PPP2R2A: variants seen among roughly 807,000 people sequenced by gnomAD.
PPP2R2A encodes the protein serine/threonine-protein phosphatase 2A 55 kDa regulatory subunit B alpha isoform.
A neutral mutation model predicts 53.2 loss-of-function variants in PPP2R2A; 9 were observed. That is an observed-to-expected ratio of 0.17 (90% CI 0.10 to 0.30). The LOEUF is 0.30. PPP2R2A is among the 10% of genes least tolerant of loss of function. The pLI is 1.00. For synonymous variants in PPP2R2A, 169 were observed against 174.2 expected (o/e 0.97, Z 0.23); for missense variants, 235 against 534.6 (o/e 0.44, Z 5.53).
chr8:26,300,792 A>C (rs999565320), intron 2 of PPP2R2A, among the ~76,000 whole-genome samples: 2 of 152,192 alleles, frequency 1.3e-5, no homozygotes, highest in Non-Finnish European at 2.9e-5. Context: ...TGGAGGTTGC[A>C]GTGAGCCGAG....
intron 2 of PPP2R2A, among the ~76,000 whole-genome samples, chr8:26,336,541 C>A (rs768492390): frequency 6.6e-6 from 1 of 152,016 alleles, no homozygotes; most frequent in Non-Finnish European, 1.5e-5. Flanking sequence ...CTAGGTTTTA[C>A]GTGTTCAGTT....
At position 26,360,050 on chromosome 8, in the gene PPP2R2A, A is replaced by C. The variant is rs969570540; in HGVS notation, c.347-119A>C. 25 of 524,654 alleles carry C rather than the reference A, an allele frequency of 4.8e-5. No individual in the cohort carries two copies. Among genetic ancestry groups the C allele is most frequent in the Middle Eastern group, 4.9e-4 (1 of 2,038 alleles). 32.5% of individuals were successfully genotyped at this position (524,654 alleles called of 1,614,324 possible). ...GGAAATTTTTTAGTAAGTTCAGATT[A>C]GGGTTTTTTTTTTTTTCGTGGAATC... On this transcript the variant is annotated intron_variant, in intron 4 of 9. Transcript: ENST00000380737. The surrounding 1 kb of genome is among the most constrained non-coding windows in gnomAD (Gnocchi z 4.5).
chr8:26,298,313 A>G (rs1373101333), intron 2 of PPP2R2A, among the ~76,000 whole-genome samples: 1 of 152,232 alleles, frequency 6.6e-6, no homozygotes, highest in Non-Finnish European at 1.5e-5. Flanking sequence ...TCCCTAGTCC[A>G]TCTCCTAAGA....
chr8:26,311,110 CTG>C (rs1230982595), intron 2 of PPP2R2A, among the ~76,000 whole-genome samples: 2 of 151,980 alleles, frequency 1.3e-5, no homozygotes, highest in Non-Finnish European at 2.9e-5. Flanking sequence ...TTGAGAATTG[CTG>C]TGTTTTAGTT....
Position 26,362,985 on chromosome 8 carries a change from C to T in PPP2R2A, c.802+137C>T. On this transcript the variant is annotated intron_variant, in intron 7 of 9. Transcript: ENST00000380737. The surrounding 1 kb of genome is among the most constrained non-coding windows in gnomAD (Gnocchi z 4.4). The stretch of plus-strand genomic sequence containing the variant: ...CAGAGCCACTTGTACCCTTGGTAAT[C>T]TGCCTACCTCCTCATGAGGCATTCC... The T allele has an allele frequency of 1.3e-6, 1 of 741,110 alleles. No individual in the cohort carries two copies. The highest frequency in any genetic ancestry group is 2.2e-6 in the Non-Finnish European group (1 of 465,086). The allele number at this position is 741,110 out of a possible 1,614,324, so 45.9% of individuals were successfully genotyped here.
At position 26,291,750 on chromosome 8, in the gene PPP2R2A, A is replaced by G; in HGVS notation, c.-70A>G. On this transcript the variant is annotated 5_prime_UTR_variant, in exon 1 of 10. Coordinates refer to ENST00000380737, the MANE Select transcript of PPP2R2A (RefSeq NM_002717.4). The stretch of plus-strand genomic sequence containing the variant: ...CCGCCCTCTCTACCCCCCCATCCCC[A>G]GGTGAGGGGGGTGAGTTCAGGAAGC... 1 of 1,216,512 alleles carries G rather than the reference A, an allele frequency of 8.2e-7. No individual in the cohort carries two copies. The highest frequency in any genetic ancestry group is 1.1e-6 in the Non-Finnish European group (1 of 938,656). 75.4% of individuals were successfully genotyped at this position (1,216,512 alleles called of 1,614,324 possible). A position where few individuals can be genotyped will look rare whatever the true frequency, so the allele number is the denominator to read the frequency against.
Position 26,302,789 on chromosome 8 carries a change from G to A in PPP2R2A, c.82+9049G>A, listed in dbSNP as rs1481855147. On this transcript the variant is annotated intron_variant, in intron 2 of 9. Transcript: ENST00000380737. ...CCAGATTAAATTAAAGAGATTTGCA[G>A]CAGTGTAAAGCAATGTCATTAATTT... is the stretch of plus-strand genomic sequence containing the variant. Among the ~76,000 whole-genome samples, 8 of 152,296 alleles carry A rather than the reference G, an allele frequency of 5.3e-5. No homozygotes were observed. In the South Asian group the frequency reaches 1.7e-3, roughly 32 times the overall value.
chr8:26,363,707 T>C lies in PPP2R2A; in HGVS notation c.803-14T>C. On this transcript the variant is annotated splice_polypyrimidine_tract_variant and intron_variant, in intron 7 of 9. Transcript: ENST00000380737. ...ACACCTTGCCCTTTTTGTGTTGTTT[T>C]GTTTTGTTTTTAGTGTTTGAAGAAC... 1 of 1,555,966 alleles carries C rather than the reference T, an allele frequency of 6.4e-7. No individual in the cohort carries two copies. The highest frequency in any genetic ancestry group is 8.7e-7 in the Non-Finnish European group (1 of 1,146,822).
intron 4 of PPP2R2A, among the ~76,000 whole-genome samples, chr8:26,356,708 G>T (rs1804798623): frequency 6.6e-6 from 1 of 152,180 alleles, no homozygotes; most frequent in Middle Eastern, 3.4e-3. Flanking sequence ...TTATATATTG[G>T]AATATTTTTA....
At chr8:26,304,025 T>TG (rs1433234706) in intron 2 of PPP2R2A, among the ~76,000 whole-genome samples, 1 of 152,230 alleles carries the variant, frequency 6.6e-6, no homozygotes, top group African/African-American at 2.4e-5. Flanking sequence ...TCACAGGGTC[T>TG]GTGGACCGGT....
intron 6 of PPP2R2A, among the ~76,000 whole-genome samples, chr8:26,361,997 T>C (rs943832175): frequency 4.1e-5 from 6 of 147,366 alleles, no homozygotes; most frequent in African/African-American, 1.5e-4. Context: ...ATATATTATA[T>C]TAATTGATAT....
At chr8:26,335,451 C>T (rs991336316) in intron 2 of PPP2R2A, among the ~76,000 whole-genome samples, 3 of 152,092 alleles carry the variant, frequency 2.0e-5, no homozygotes, top group Non-Finnish European at 4.4e-5. Flanking sequence ...AGTTTTCCTA[C>T]CAGAAATATG....
intron 2 of PPP2R2A, among the ~76,000 whole-genome samples, chr8:26,309,004 G>T (rs576438295): frequency 1.3e-5 from 2 of 152,178 alleles, no homozygotes; most frequent in Admixed American, 6.5e-5. Context: ...GGGGCTTCAG[G>T]TGTGCGCCAC....
intron 4 of PPP2R2A, among the ~76,000 whole-genome samples, chr8:26,359,682 C>T (rs1211446863): frequency 1.3e-5 from 2 of 152,058 alleles, no homozygotes; most frequent in Admixed American, 1.3e-4. Flanking sequence ...CTATGGAGGC[C>T]TCTGTGGAAT....
intron 2 of PPP2R2A, chr8:26,333,449 T>C: frequency 9.5e-7 from 1 of 1,049,132 alleles, no homozygotes; most frequent in Non-Finnish European, 1.3e-6. Context: ...GGTAATACAG[T>C]TATAACCCTC....
intron 1 of PPP2R2A, chr8:26,293,248 T>C: frequency 6.5e-7 from 1 of 1,536,022 alleles, no homozygotes; most frequent in Non-Finnish European, 8.7e-7. Context: ...CAGGCAGTAA[T>C]GTTCCCGAAG....
intron 9 of PPP2R2A, among the ~76,000 whole-genome samples, chr8:26,368,237 G>T (rs756517648): frequency 3.3e-5 from 5 of 152,214 alleles, no homozygotes; most frequent in African/African-American, 4.8e-5. Flanking sequence ...TTGTTGCCAA[G>T]TGTCCTTTGG....
intron 1 of PPP2R2A, chr8:26,292,187 AT>A (rs539972910): frequency 2.2e-4 from 244 of 1,123,854 alleles, no homozygotes; most frequent in East Asian, 1.1e-3. Context: ...CCCCGCCTTT[AT>A]TTTTTTTTCC....
intron 2 of PPP2R2A, among the ~76,000 whole-genome samples, chr8:26,313,376 T>A (rs1401089603): frequency 6.6e-6 from 1 of 152,176 alleles, no homozygotes; most frequent in Non-Finnish European, 1.5e-5. Flanking sequence ...CAGCTGTTTT[T>A]AAAAGCAATC....
Sources: gnomAD v4.1 joint callset for allele counts (sites outside exome capture counted in the v4.1 genomes callset) on GRCh38, gnomAD v4.1.1 for gene constraint, Gnocchi (gnomAD v3.1) non-coding constraint, MANE v1.5 for transcripts, NCBI Gene and HGNC (gene_info 2026-07-23, HGNC 2026-07-21) for gene names.